ADK: variants seen among roughly 807,000 people sequenced by gnomAD.
The protein encoded by ADK is adenosine kinase.
ADK carries 24 observed loss-of-function variants against 44.7 expected under a neutral mutation model. The observed-to-expected ratio is 0.54, with a 90% CI of 0.39 to 0.76. ADK has a LOEUF of 0.76. Ranked by LOEUF, ADK falls within the 30% of genes least tolerant of loss-of-function variation. ADK has a pLI of 0.00. For missense variants in ADK, 321 were observed against 425.1 expected (o/e 0.76, Z 2.15); for synonymous variants, 128 against 142.6 (o/e 0.90, Z 0.73).
intron 6 of ADK, among the ~76,000 whole-genome samples, chr10:74,507,551 G>A (rs1328678064): frequency 6.6e-6 from 1 of 151,938 alleles, no homozygotes; most frequent in Non-Finnish European, 1.5e-5. Flanking sequence ...GGAGGCAGAG[G>A]TTGCAGTGAG....
intron 4 of ADK, chr10:74,372,368 C>T (rs1288036607): frequency 1.4e-6 from 1 of 738,738 alleles, no homozygotes; most frequent in Admixed American, 1.8e-5. Context: ...CCACAGCTCC[C>T]AATGCTCAGG....
chr10:74,302,661 T>C (rs943254218), intron 3 of ADK, among the ~76,000 whole-genome samples: 1 of 152,114 alleles, frequency 6.6e-6, no homozygotes, highest in African/African-American at 2.4e-5. Context: ...CTGGTTATAG[T>C]GCTGCATGCC....
intron 1 of ADK, among the ~76,000 whole-genome samples, chr10:74,161,483 ACAGGCATGAGTCAC>A (rs1841896196): frequency 1.3e-5 from 2 of 152,296 alleles, no homozygotes; most frequent in South Asian, 4.1e-4. Flanking sequence ...TGCTGGGATT[ACAGGCATGAGTCAC>A]CGCGCCTGGC....
At chr10:74,580,177 C>A (rs184870561) in intron 7 of ADK, among the ~76,000 whole-genome samples, 1 of 152,112 alleles carries the variant, frequency 6.6e-6, no homozygotes, top group East Asian at 1.9e-4. Flanking sequence ...TGAATTCCCA[C>A]GTGTTGTGGG....
intron 6 of ADK, among the ~76,000 whole-genome samples, chr10:74,426,105 T>TAC (rs1491493035): frequency 6.6e-6 from 1 of 152,204 alleles, no homozygotes; most frequent in Non-Finnish European, 1.5e-5. Context: ...TGTATGTCTC[T>TAC]ATACATTTTT....
intron 6 of ADK, among the ~76,000 whole-genome samples, chr10:74,445,612 G>T (rs114103384): frequency 0.011 from 1,710 of 152,034 alleles, 39 homozygotes; most frequent in African/African-American, 0.039. Flanking sequence ...ATTTACACCT[G>T]CTTGAAGGAA....
At chr10:74,258,694 A>C (rs1227935229) in intron 3 of ADK, among the ~76,000 whole-genome samples, 1 of 152,182 alleles carries the variant, frequency 6.6e-6, no homozygotes, top group African/African-American at 2.4e-5. Context: ...AATTCTGATA[A>C]AAATCAAAGA....
At chr10:74,314,195 A>T (rs941031244) in intron 3 of ADK, among the ~76,000 whole-genome samples, 1 of 152,108 alleles carries the variant, frequency 6.6e-6, no homozygotes, top group African/African-American at 2.4e-5. Context: ...TATAATTTTC[A>T]TACTTCTTGA....
intron 1 of ADK, among the ~76,000 whole-genome samples, chr10:74,189,068 T>A (rs944552869): frequency 5.3e-5 from 8 of 152,114 alleles, no homozygotes; most frequent in Non-Finnish European, 1.2e-4. Flanking sequence ...CTTTCATTAT[T>A]ATTATTTTTT....
At chr10:74,221,712 C>A (rs1392052094) in intron 2 of ADK, among the ~76,000 whole-genome samples, 1 of 145,432 alleles carries the variant, frequency 6.9e-6, no homozygotes, top group South Asian at 2.2e-4. Flanking sequence ...TCAGAAATAA[C>A]GCCGCATATC....
Position 74,573,256 on chromosome 10 carries a change from G to T in ADK, c.727-16026G>T, listed in dbSNP as rs866210725. Among the ~76,000 whole-genome samples, 19 of 152,276 alleles carry T rather than the reference G, an allele frequency of 1.2e-4. No homozygotes were observed. The South Asian group carries it at 3.9e-3, about 32-fold the overall frequency. The stretch of plus-strand genomic sequence containing the variant: ...CTCAGCTGCAGGTCTGTTGGAGTTT[G>T]CTAGAGGTCCACTCCAGACCCTGTT... On this transcript the variant is annotated intron_variant, in intron 7 of 10. Transcript: ENST00000539909.
intron 6 of ADK, among the ~76,000 whole-genome samples, chr10:74,459,305 A>G (rs1251981911): frequency 6.6e-6 from 1 of 152,026 alleles, no homozygotes; most frequent in African/African-American, 2.4e-5. Flanking sequence ...TTTATTTCCA[A>G]TCAGTTGGAA....
At chr10:74,210,654 A>T (rs1405847523) in intron 2 of ADK, among the ~76,000 whole-genome samples, 1 of 152,102 alleles carries the variant, frequency 6.6e-6, no homozygotes. Flanking sequence ...AAAAAAGGAA[A>T]ATGCTCAAAG....
At position 74,429,096 on chromosome 10, in the gene ADK, G is replaced by A. The variant is rs1190682449; in HGVS notation, c.555+30517G>A. 2.6e-5 allele frequency among the ~76,000 whole-genome samples: 4 copies of A among 152,266 alleles called. No homozygotes were observed. In the South Asian group the frequency reaches 6.2e-4, roughly 24 times the overall value. On this transcript the variant is annotated intron_variant, in intron 6 of 10. Coordinates refer to ENST00000539909, the MANE Select transcript of ADK (RefSeq NM_006721.4). The stretch of plus-strand genomic sequence containing the variant: ...TGTGTTTTTATTTTTGGAACTTTTT[G>A]TACATTGAAATGATTGCCAATGGAA...
chr10:74,245,139 C>A (rs546520634), intron 3 of ADK, among the ~76,000 whole-genome samples: 43 of 152,174 alleles, frequency 2.8e-4, no homozygotes, highest in African/African-American at 7.9e-4. Flanking sequence ...TTAAATCTTG[C>A]ATTTGAATTT....
At chr10:74,298,501 C>T (rs866288677) in intron 3 of ADK, among the ~76,000 whole-genome samples, 15 of 151,874 alleles carry the variant, frequency 9.9e-5, no homozygotes, top group South Asian at 4.2e-4. Context: ...ACCTGTAACC[C>T]CAGCATTTTG....
rs1856689282 is a variant in ADK at position 74,708,638 on chromosome 10, T to C, written c.*193T>C. 3 of 561,980 alleles carry C rather than the reference T, an allele frequency of 5.3e-6. No individual in the cohort carries two copies. The South Asian group carries it at 6.1e-5, about 11-fold the overall frequency. 34.8% of individuals were successfully genotyped at this position (561,980 alleles called of 1,614,324 possible). ...ATTATCTCAACAATCTAAAAAATGA[T>C]GTTTATTTCCATAGTTTGATAGTGC... On this transcript the variant is annotated 3_prime_UTR_variant, in exon 11 of 11. Transcript: ENST00000539909.
chr10:74,488,544 A>G (rs1847353854), intron 6 of ADK, among the ~76,000 whole-genome samples: 1 of 151,028 alleles, frequency 6.6e-6, no homozygotes, highest in African/African-American at 2.4e-5. Flanking sequence ...AAAGTATGAT[A>G]ATAACAAATT....
intron 1 of ADK, among the ~76,000 whole-genome samples, chr10:74,163,710 T>G (rs1036303032): frequency 9.9e-5 from 15 of 152,220 alleles, no homozygotes; most frequent in African/African-American, 3.6e-4. Context: ...AGAAACTGTT[T>G]CCTTCTTAGC....
Sources: allele counts gnomAD v4.1 joint callset (sites outside exome capture counted in the v4.1 genomes callset), GRCh38; gene constraint gnomAD v4.1.1; transcripts MANE v1.5; gene names NCBI Gene and HGNC (gene_info 2026-07-23, HGNC 2026-07-21).